Variants in MANBA observed in about 807,000 individuals in gnomAD.
MANBA encodes the protein mannosidase beta, also known as beta-mannosidase.
In MANBA, 83 loss-of-function variants were observed where a neutral mutation model predicts 111.1. The observed-to-expected ratio is 0.75, with a 90% CI of 0.63 to 0.90. MANBA has a LOEUF of 0.90. MANBA is among the 40% of genes least tolerant of loss of function. The pLI is 0.00. For missense variants in MANBA, 1,036 were observed against 1,069.0 expected (o/e 0.97, Z 0.43); for synonymous variants, 370 against 378.7 (o/e 0.98, Z 0.27).
chr4:102,674,480 T>G (rs1270343194), intron 7 of MANBA, among the ~76,000 whole-genome samples: 1 of 152,268 alleles, frequency 6.6e-6, no homozygotes, highest in African/African-American at 2.4e-5. Context: ...ACATGCATCT[T>G]AGAATCAAAT....
At chr4:102,633,538 C>A (rs1729479803) in intron 16 of MANBA, 1 of 397,704 alleles carries the variant, frequency 2.5e-6, no homozygotes, top group Admixed American at 4.4e-5. Flanking sequence ...AGCCAAATAC[C>A]TAGTCTATAT....
chr4:102,715,124 A>G (rs1396221797), intron 4 of MANBA, among the ~76,000 whole-genome samples: 1 of 152,170 alleles, frequency 6.6e-6, no homozygotes, highest in Non-Finnish European at 1.5e-5. Context: ...TCTAACCACC[A>G]GCATATAGCA....
chr4:102,756,108 G>A (rs1267817608), intron 1 of MANBA, among the ~76,000 whole-genome samples: 1 of 152,146 alleles, frequency 6.6e-6, no homozygotes, highest in East Asian at 1.9e-4. Flanking sequence ...ATTTGACCCA[G>A]CCATCCCATC....
chr4:102,710,535 C>A (rs1007142642), intron 5 of MANBA, among the ~76,000 whole-genome samples: 1 of 152,142 alleles, frequency 6.6e-6, no homozygotes, highest in South Asian at 2.1e-4. Flanking sequence ...CGAAAAACAT[C>A]CCATGCTCAT....
At chr4:102,750,846 A>G (rs926606132) in intron 1 of MANBA, among the ~76,000 whole-genome samples, 4 of 152,016 alleles carry the variant, frequency 2.6e-5, no homozygotes, top group Non-Finnish European at 4.4e-5. Context: ...CCAGGAGGTT[A>G]AGCCTGCAGT....
At chr4:102,653,879 G>C (rs1374222697) in intron 12 of MANBA, among the ~76,000 whole-genome samples, 1 of 150,056 alleles carries the variant, frequency 6.7e-6, no homozygotes, top group Non-Finnish European at 1.5e-5. Context: ...TCTGGAGACA[G>C]AGAGTAAGTC....
chr4:102,746,743 C>T (rs373143042), intron 1 of MANBA, among the ~76,000 whole-genome samples: 5 of 152,102 alleles, frequency 3.3e-5, no homozygotes, highest in East Asian at 1.9e-4. Flanking sequence ...CAGGCCAAGG[C>T]GGGAGGGTCA....
intron 9 of MANBA, among the ~76,000 whole-genome samples, chr4:102,669,842 A>T (rs1426561700): frequency 1.3e-5 from 2 of 152,020 alleles, no homozygotes; most frequent in Admixed American, 1.3e-4. Flanking sequence ...TAGCCGGGCA[A>T]GGTGGTGAGC....
chr4:102,730,120 G>A (rs1018710716), intron 1 of MANBA: 29 of 1,177,884 alleles, frequency 2.5e-5, no homozygotes, highest in South Asian at 7.7e-5. Context: ...CTGAAGGCCC[G>A]GGGCCCAGAG....
In MANBA at chr4:102,655,603, G is replaced by C. The variant is rs146010412; in HGVS notation, c.1704+2079C>G. On this transcript the variant is annotated intron_variant, in intron 12 of 16. Transcript: ENST00000647097. Reference sequence around the variant, plus strand: ...TGGAACAACTGGCTATACACATGCAGAAGAATGAACCTGAACTCCTACCTT... The same window carrying C: ...TGGAACAACTGGCTATACACATGCACAAGAATGAACCTGAACTCCTACCTT... Among the ~76,000 whole-genome samples, 236 of 152,284 alleles carry C rather than the reference G, an allele frequency of 1.5e-3. 2 individuals carry two copies. Among genetic ancestry groups the C allele is most frequent in the South Asian group, 0.012 (60 of 4,822 alleles).
intron 1 of MANBA, among the ~76,000 whole-genome samples, chr4:102,753,479 TA>T (rs935455913): frequency 1.8e-4 from 28 of 152,308 alleles, no homozygotes; most frequent in Non-Finnish European, 3.4e-4. Flanking sequence ...TAGTGCATGA[TA>T]AAAGTAATAT....
intron 4 of MANBA, among the ~76,000 whole-genome samples, chr4:102,715,425 G>A (rs1578931174): frequency 6.6e-6 from 1 of 152,162 alleles, no homozygotes; most frequent in African/African-American, 2.4e-5. Flanking sequence ...CTAACTAACA[G>A]AAGCTATCAT....
chr4:102,756,347 C>A (rs1164836392), intron 1 of MANBA, among the ~76,000 whole-genome samples: 1 of 152,144 alleles, frequency 6.6e-6, no homozygotes, highest in Non-Finnish European at 1.5e-5. Context: ...AGCTGCAAAC[C>A]ATCATTCTGA....
At chr4:102,673,569 C>T (rs1022581724) in intron 8 of MANBA, among the ~76,000 whole-genome samples, 6 of 151,416 alleles carry the variant, frequency 4.0e-5, no homozygotes, top group Non-Finnish European at 5.9e-5. Context: ...AAACATTTAA[C>T]GTATCATTTG....
rs1560748057 is a variant in MANBA at position 102,650,523 on chromosome 4, T to G, written c.1869+14A>C. ...TGCAGGAACCTGTTCAATTCTAGAATGAAAACAACTTACCTGAGTAAGGTA... is the reference window on the plus strand; with the variant it reads ...TGCAGGAACCTGTTCAATTCTAGAAGGAAAACAACTTACCTGAGTAAGGTA... On this transcript the variant is annotated intron_variant, in intron 13 of 16. Coordinates refer to ENST00000647097, the MANE Select transcript of MANBA (RefSeq NM_005908.4). 2 of 1,603,116 alleles carry G rather than the reference T, an allele frequency of 1.2e-6. No individual in the cohort carries two copies. Among genetic ancestry groups the G allele is most frequent in the Non-Finnish European group, 8.5e-7 (1 of 1,170,058 alleles).
chr4:102,674,555 T>C (rs552927907), intron 7 of MANBA, among the ~76,000 whole-genome samples: 41 of 152,376 alleles, frequency 2.7e-4, no homozygotes, highest in Admixed American at 2.4e-3. Flanking sequence ...GTTTAATGGG[T>C]AATTTAATCC....
rs1486945397 is a variant in MANBA, at chr4:102,722,918, G to A, written c.502C>T (p.Pro168Ser). The A allele has an allele frequency of 6.2e-7, 1 of 1,614,162 alleles. No homozygotes were observed. Among genetic ancestry groups the A allele is most frequent in the East Asian group, 2.2e-5 (1 of 44,886 alleles). Reference sequence around the variant, plus strand: ...CATTCACCCTTCTGCACAAGTGGAGGGCAGTCTGGGGGAACCTGGTAGCGA... The same window carrying A: ...CATTCACCCTTCTGCACAAGTGGAGAGCAGTCTGGGGGAACCTGGTAGCGA... ...HTRYQVPPDCPPLVQKGECHV... is the reference protein window; with the variant it reads ...HTRYQVPPDCSPLVQKGECHV... The change falls in exon 4 of 17, where the codon CCT becomes TCT. Residue 168 changes from proline (P) to serine (S), a missense_variant. Pro to Ser is a moderately conservative substitution (Grantham distance 74). Transcript: ENST00000647097.
chr4:102,716,969 T>G (rs773290055), intron 4 of MANBA, among the ~76,000 whole-genome samples: 2 of 152,198 alleles, frequency 1.3e-5, no homozygotes, highest in Non-Finnish European at 2.9e-5. Context: ...AATTTACCAC[T>G]TAAGCACCAG....
chr4:102,729,599 A>AT, intron 1 of MANBA: 1 of 925,416 alleles, frequency 1.1e-6, no homozygotes, highest in South Asian at 1.3e-5. Flanking sequence ...GGACAAATTC[A>AT]TTCTCCACCT....
Sources: allele counts gnomAD v4.1 joint callset (sites outside exome capture counted in the v4.1 genomes callset), GRCh38; gene constraint gnomAD v4.1.1; transcripts MANE v1.5; gene names NCBI Gene and HGNC (gene_info 2026-07-23, HGNC 2026-07-21).